CFAP44: variants seen among roughly 807,000 people sequenced by gnomAD.
CFAP44 encodes cilia- and flagella-associated protein 44.
Under a neutral mutation model 216.2 loss-of-function variants are expected in CFAP44, and 134 were observed. The observed-to-expected ratio is 0.62, with a 90% CI of 0.54 to 0.72. The LOEUF (loss-of-function observed/expected upper bound fraction) is 0.72. Among genes scored for constraint, CFAP44 ranks in the 30% least tolerant of loss-of-function variants. The probability of loss-of-function intolerance (pLI) is 0.00; values close to 1 mark genes in which losing one functional copy is unlikely to be tolerated. For synonymous variants in CFAP44, 700 were observed against 727.6 expected (o/e 0.96, Z 0.61); for missense variants, 2,035 against 2,182.1 (o/e 0.93, Z 1.34).
At position 113,330,423 on chromosome 3, in the gene CFAP44, T is replaced by G. The variant is rs6768642; in HGVS notation, c.3861A>C (p.Lys1287Asn). The change falls in exon 26 of 35, where the codon AAA (lysine) becomes AAC (asparagine). Residue 1287 changes from lysine (K) to asparagine (N), a missense_variant. Around this residue, in one of 3 missense-constraint regions of CFAP44, gnomAD observed 1,883 missense variants for 2,023.7 expected, o/e 0.93. Transcript: ENST00000393845. ...LNFKQQQMKS[K>N]DEKSPGVEQT... ...GTTCCACTCCGGGGGACTTTTCATC[T>G]TTACTTTTCATTTGCTGTTGCTTAA... is the stretch of plus-strand genomic sequence containing the variant. 0.036 allele frequency: 55,969 copies of G among 1,537,264 alleles called. 1,316 individuals are homozygous for G. Among genetic ancestry groups the G allele is most frequent in the East Asian group, 0.11 (4,335 of 40,898 alleles).
At chr3:113,406,486 T>C (rs1269337343) in intron 8 of CFAP44, among the ~76,000 whole-genome samples, 1 of 152,054 alleles carries the variant, frequency 6.6e-6, no homozygotes, top group Non-Finnish European at 1.5e-5. Context: ...TAGCCAGGCA[T>C]GGTGGCAGGC....
intron 23 of CFAP44, among the ~76,000 whole-genome samples, chr3:113,343,543 G>A (rs779697903): frequency 6.6e-6 from 1 of 152,150 alleles, no homozygotes; most frequent in Non-Finnish European, 1.5e-5. Flanking sequence ...GTGTGGTCAT[G>A]GGAAGGCCTT....
chr3:113,308,190 T>C lies in CFAP44; in HGVS notation c.4595A>G (p.Asp1532Gly), dbSNP rs1352607163. The change falls in exon 29 of 35, where the codon GAT becomes GGT. Residue 1532 changes from aspartate (D) to glycine (G), a missense_variant. Physicochemically the swap from Asp to Gly is moderately conservative, Grantham distance 94. This residue lies in a region of CFAP44 where 1,883 missense variants were observed against 2,023.7 expected (regional missense o/e 0.93). Coordinates refer to ENST00000393845, the MANE Select transcript of CFAP44 (RefSeq NM_001164496.2). ...GCAAATAGAATCATCAAAAACCTCA[T>C]CTTCTGATTCAGACTCATCTTCATC... ...ESDEDESESE[D>G]EVFDDSICPT... 1 of 1,535,750 alleles carries C rather than the reference T, an allele frequency of 6.5e-7. No individual in the cohort carries two copies. The highest frequency in any genetic ancestry group is 8.7e-7 in the Non-Finnish European group (1 of 1,146,564).
chr3:113,303,559 G>A (rs1010937115), intron 32 of CFAP44, among the ~76,000 whole-genome samples: 3 of 152,186 alleles, frequency 2.0e-5, no homozygotes, highest in Admixed American at 6.5e-5. Flanking sequence ...GGTGAACCCC[G>A]AGGAAGGAGC....
At chr3:113,437,992 G>A (rs1935275840) in intron 1 of CFAP44, among the ~76,000 whole-genome samples, 1 of 152,140 alleles carries the variant, frequency 6.6e-6, no homozygotes, top group Non-Finnish European at 1.5e-5. Flanking sequence ...TATTAAATGA[G>A]ATCTTTTATA....
chr3:113,357,340 G>A (rs1189204538), intron 22 of CFAP44, among the ~76,000 whole-genome samples: 1 of 152,118 alleles, frequency 6.6e-6, no homozygotes. Context: ...ATGAGATAAT[G>A]ACAGCAGGCC....
rs1334273635 is a variant in CFAP44 at position 113,401,243 on chromosome 3, A to G, written c.1371T>C (p.Asn457=). 6.3e-6 allele frequency: 10 copies of G among 1,586,482 alleles called. No homozygotes were observed. The highest frequency in any genetic ancestry group is 8.5e-6 in the Non-Finnish European group (10 of 1,171,356). The change falls in exon 11 of 35, where the codon AAT becomes AAC. Residue 457 remains asparagine (N), a synonymous_variant. Transcript: ENST00000393845. ...AIWKLDLSFS[N]ITQDPECLFS... is the part of the protein sequence containing the mutation. ...ATAAGAATAATAGGCAACTTACAAT[A>G]TTTGAAAAACTAAGGTCAAGCTTCC... is the stretch of plus-strand genomic sequence containing the variant.
intron 15 of CFAP44, among the ~76,000 whole-genome samples, chr3:113,392,895 A>G (rs921383695): frequency 1.3e-5 from 2 of 152,206 alleles, no homozygotes; most frequent in Non-Finnish European, 2.9e-5. Flanking sequence ...TCTCTCTTCT[A>G]AATATCTCTT....
chr3:113,322,632 T>C (rs1290789559), intron 28 of CFAP44, among the ~76,000 whole-genome samples: 2 of 152,094 alleles, frequency 1.3e-5, no homozygotes, highest in Non-Finnish European at 2.9e-5. Flanking sequence ...ACACCATTAG[T>C]GGGAATGTAA....
intron 7 of CFAP44, among the ~76,000 whole-genome samples, chr3:113,408,301 T>C (rs989789354): frequency 4.6e-5 from 7 of 152,144 alleles, no homozygotes; most frequent in African/African-American, 1.7e-4. Flanking sequence ...GAGGGTATGA[T>C]ATAATGAAAA....
In CFAP44 at chr3:113,287,651, C is replaced by G. The variant is rs966851192; in HGVS notation, c.*3906G>C. ...GCTTGGATTCATGCAGAACACATTA[C>G]CGTTTAGTCCACAAGGGAACCGTTG... On this transcript the variant is annotated 3_prime_UTR_variant, in exon 35 of 35. Coordinates refer to ENST00000393845, the MANE Select transcript of CFAP44 (RefSeq NM_001164496.2). The G allele has an allele frequency of 6.6e-6, 1 of 152,268 alleles. No homozygotes were observed. The highest frequency in any genetic ancestry group is 1.5e-5 in the Non-Finnish European group (1 of 68,124). 9.4% of individuals were successfully genotyped at this position (152,268 alleles called of 1,614,324 possible). A position where few individuals can be genotyped will look rare whatever the true frequency, so the allele number is the denominator to read the frequency against.
intron 22 of CFAP44, among the ~76,000 whole-genome samples, chr3:113,346,248 G>C (rs1436911241): frequency 2.0e-5 from 3 of 152,070 alleles, no homozygotes; most frequent in African/African-American, 7.2e-5. Flanking sequence ...TCAGCACTCT[G>C]TGTCTAGCTA....
intron 25 of CFAP44, among the ~76,000 whole-genome samples, chr3:113,332,593 G>A (rs533700119): frequency 2.0e-4 from 30 of 152,280 alleles, no homozygotes; most frequent in South Asian, 1.2e-3. Flanking sequence ...TAGCTCAGAT[G>A]ACCTTTAAGC....
intron 32 of CFAP44, among the ~76,000 whole-genome samples, chr3:113,301,180 T>G (rs1046728059): frequency 1.1e-4 from 17 of 152,176 alleles, no homozygotes; most frequent in Non-Finnish European, 1.0e-4. Context: ...AACAGCTATA[T>G]GCTATATTAC....
Position 113,318,448 on chromosome 3 carries a change from T to C in CFAP44, c.4516+7997A>G, listed in dbSNP as rs762460445. 3.3e-5 allele frequency among the ~76,000 whole-genome samples: 5 copies of C among 152,296 alleles called. No individual in the cohort carries two copies. The South Asian group carries it at 8.3e-4, about 25-fold the overall frequency. On this transcript the variant is annotated intron_variant, in intron 28 of 34. Transcript: ENST00000393845. Reference sequence around the variant, plus strand: ...AGATTCTACAAAGAGAACAAATCTATGACTCATTGGTACTCCTGAGAAAGA... The same window carrying C: ...AGATTCTACAAAGAGAACAAATCTACGACTCATTGGTACTCCTGAGAAAGA...
At chr3:113,368,465 A>C (rs971276526) in intron 18 of CFAP44, among the ~76,000 whole-genome samples, 2 of 152,188 alleles carry the variant, frequency 1.3e-5, no homozygotes, top group South Asian at 2.1e-4. Context: ...AATTTTCAAC[A>C]CAGAATTTCA....
At chr3:113,353,284 G>A (rs993778522) in intron 22 of CFAP44, among the ~76,000 whole-genome samples, 1 of 152,062 alleles carries the variant, frequency 6.6e-6, no homozygotes, top group Non-Finnish European at 1.5e-5. Context: ...AGGCATTCTG[G>A]GAAAATGAGA....
chr3:113,344,472 G>A, intron 23 of CFAP44, 44 bp downstream of exon 23: 1 of 1,486,008 alleles, frequency 6.7e-7, no homozygotes, highest in Non-Finnish European at 9.0e-7. Flanking sequence ...CACTTTTGAA[G>A]TCTTAGTAAA....
In CFAP44 at chr3:113,395,821, C is replaced by A; in HGVS notation, c.1819G>T (p.Asp607Tyr). The A allele has an allele frequency of 6.2e-7, 1 of 1,613,818 alleles. No individual in the cohort carries two copies. Among genetic ancestry groups the A allele is most frequent in the Non-Finnish European group, 8.5e-7 (1 of 1,179,886 alleles). ...TTAATATAACCAATCGGCTTATAATCCCTTTCCACTTCAAAGAAGAAAACA... is the reference window on the plus strand; with the variant it reads ...TTAATATAACCAATCGGCTTATAATACCTTTCCACTTCAAAGAAGAAAACA... ...QTVFFFEVER[D>Y]YKPIGYINTP... The change falls in exon 15 of 35, where the codon GAT (aspartate) becomes TAT (tyrosine). Residue 607 changes from aspartate to tyrosine, a missense_variant. Coordinates refer to ENST00000393845, the MANE Select transcript of CFAP44 (RefSeq NM_001164496.2).
Sources: allele counts gnomAD v4.1 joint callset (sites outside exome capture counted in the v4.1 genomes callset), GRCh38; gene constraint gnomAD v4.1.1; regional missense constraint gnomAD v4.1.1; transcripts MANE v1.5; gene names NCBI Gene and HGNC (gene_info 2026-07-23, HGNC 2026-07-21).